Variants in WIPF3 observed in about 807,000 individuals in gnomAD.
WIPF3 encodes WAS/WASL-interacting protein family member 3.
Under a neutral mutation model 38.9 loss-of-function variants are expected in WIPF3, and 33 were observed. The ratio of observed to expected loss-of-function variants is 0.85; its 90% CI spans 0.64 to 1.14. The LOEUF is 1.14. Among genes scored for constraint, WIPF3 ranks in the 50% most tolerant of loss-of-function variants. The pLI, the probability that WIPF3 is intolerant of heterozygous loss-of-function variation, is 0.00. For missense variants in WIPF3, 711 were observed against 652.5 expected (o/e 1.09, Z -0.98); for synonymous variants, 324 against 269.3 (o/e 1.20, Z -1.99).
intron 7 of WIPF3, among the ~76,000 whole-genome samples, chr7:29,898,129 A>G (rs1404468439): frequency 6.6e-6 from 1 of 152,056 alleles, no homozygotes; most frequent in South Asian, 2.1e-4. Context: ...GTTGCCAACT[A>G]CAGTGTCAGA....
At chr7:29,807,149 C>G (rs1194458446) in intron 1 of WIPF3, among the ~76,000 whole-genome samples, 1 of 152,116 alleles carries the variant, frequency 6.6e-6, no homozygotes, top group African/African-American at 2.4e-5. Flanking sequence ...TAAAAGAGAG[C>G]TAGGAAATTG....
intron 7 of WIPF3, among the ~76,000 whole-genome samples, chr7:29,893,183 A>G (rs1256980911): frequency 6.6e-6 from 1 of 152,208 alleles, no homozygotes; most frequent in Non-Finnish European, 1.5e-5. Context: ...TGGAGGAGCC[A>G]GCATCCCAGG....
rs1369471550 is a variant in WIPF3 at position 29,823,720 on chromosome 7, C to T, written c.-57-10948C>T. 6.6e-6 allele frequency among the ~76,000 whole-genome samples: 1 copy of T among 152,162 alleles called. No homozygotes were observed. Among genetic ancestry groups the T allele is most frequent in the African/African-American group, 2.4e-5 (1 of 41,410 alleles). ...GGTGATTGGATCGTGGGCGGTTTCT[C>T]ATTATTGGTTTAGTGCCATCCCCTC... On this transcript the variant is annotated intron_variant, in intron 1 of 8. Transcript: ENST00000242140. The surrounding 1 kb of genome is among the most constrained non-coding windows in gnomAD (Gnocchi z 4.0).
chr7:29,871,922 G>A (rs1785503033), intron 2 of WIPF3, among the ~76,000 whole-genome samples: 1 of 152,182 alleles, frequency 6.6e-6, no homozygotes, highest in African/African-American at 2.4e-5. Context: ...ATTCTGGGCT[G>A]TCTTTTTTGA....
At chr7:29,836,990 CAAAACA>C (rs574332254) in intron 2 of WIPF3, among the ~76,000 whole-genome samples, 1 of 150,530 alleles carries the variant, frequency 6.6e-6, no homozygotes, top group African/African-American at 2.4e-5. Flanking sequence ...GACTCTGTCT[CAAAACA>C]AAAACAAAAA....
chr7:29,870,490 T>C (rs1425894596), intron 2 of WIPF3, among the ~76,000 whole-genome samples: 2 of 151,880 alleles, frequency 1.3e-5, no homozygotes, highest in Admixed American at 6.6e-5. Context: ...CTGTTAAGAA[T>C]AAGGAAAAGG....
intron 8 of WIPF3, 126 bp from the exon 9 acceptor site, chr7:29,914,367 A>C: frequency 1.4e-6 from 1 of 724,562 alleles, no homozygotes; most frequent in Non-Finnish European, 2.1e-6. Flanking sequence ...CATCTCCCCA[A>C]ACTTGACAGC....
At chr7:29,902,017 T>C (rs912602009) in intron 7 of WIPF3, among the ~76,000 whole-genome samples, 20 of 151,952 alleles carry the variant, frequency 1.3e-4, no homozygotes, top group African/African-American at 4.4e-4. Flanking sequence ...AGCAGGGGGC[T>C]GGGGTGTGCA....
chr7:29,907,500 C>T (rs1786420781), intron 8 of WIPF3, among the ~76,000 whole-genome samples: 1 of 152,136 alleles, frequency 6.6e-6, no homozygotes, highest in Non-Finnish European at 1.5e-5. Flanking sequence ...GTTTGTGTCC[C>T]TCAAAGTTCA....
At chr7:29,835,853 G>A (rs1215620598) in intron 2 of WIPF3, among the ~76,000 whole-genome samples, 2 of 152,156 alleles carry the variant, frequency 1.3e-5, no homozygotes, top group East Asian at 3.9e-4. Context: ...GAACCTCCCT[G>A]CCATCCTCCC....
At position 29,883,737 on chromosome 7, in the gene WIPF3, G is replaced by A. The variant is rs1408266272; in HGVS notation, c.356-113G>A. On this transcript the variant is annotated intron_variant, in intron 4 of 8. Coordinates refer to ENST00000242140, the MANE Select transcript of WIPF3 (RefSeq NM_001080529.3). ...CTCAGTGGACACGTGCAGAAAAAGC[G>A]GTCTACAGTGCAGCTCACTGCGGGC... 5 of 1,381,652 alleles carry A rather than the reference G, an allele frequency of 3.6e-6. No homozygotes were observed. The Admixed American group carries it at 1.0e-4, about 28-fold the overall frequency. The allele number at this position is 1,381,652 out of a possible 1,614,324, so 85.6% of individuals were successfully genotyped here.
At chr7:29,853,461 C>G (rs1012829044) in intron 2 of WIPF3, among the ~76,000 whole-genome samples, 1 of 152,236 alleles carries the variant, frequency 6.6e-6, no homozygotes, top group African/African-American at 2.4e-5. Context: ...CCACAGGACT[C>G]CATCCCCTGC....
chr7:29,888,004 A>G (rs1785917251), intron 5 of WIPF3, 64 bp from the exon 6 acceptor site: 4 of 1,597,050 alleles, frequency 2.5e-6, no homozygotes, highest in African/African-American at 2.7e-5. Flanking sequence ...AATATCTCAC[A>G]TAAGGTTATA....
chr7:29,886,372 T>C (rs894150217), intron 5 of WIPF3, among the ~76,000 whole-genome samples: 1 of 146,080 alleles, frequency 6.8e-6, no homozygotes, highest in Non-Finnish European at 1.5e-5. Context: ...TTTTTTTTTT[T>C]TTGAGACACA....
At chr7:29,849,993 A>G (rs1266636171) in intron 2 of WIPF3, among the ~76,000 whole-genome samples, 3 of 152,216 alleles carry the variant, frequency 2.0e-5, no homozygotes, top group Non-Finnish European at 4.4e-5. Context: ...GCTTTTTGTC[A>G]GAGGGAAGGG....
At chr7:29,911,478 T>C (rs550875971) in intron 8 of WIPF3, among the ~76,000 whole-genome samples, 1 of 152,142 alleles carries the variant, frequency 6.6e-6, no homozygotes, top group East Asian at 1.9e-4. Flanking sequence ...CACAACAATC[T>C]TGAAAAAGAA....
chr7:29,853,023 A>T (rs1039174336), intron 2 of WIPF3, among the ~76,000 whole-genome samples: 1 of 152,214 alleles, frequency 6.6e-6, no homozygotes, highest in African/African-American at 2.4e-5. Flanking sequence ...CTAAAAGTAG[A>T]TTCTGAGACA....
chr7:29,903,921 G>A (rs2128080611), intron 7 of WIPF3, among the ~76,000 whole-genome samples: 1 of 152,268 alleles, frequency 6.6e-6, no homozygotes, highest in East Asian at 1.9e-4. Flanking sequence ...GTTCCTCATG[G>A]ATGGGAGGCC....
intron 2 of WIPF3, among the ~76,000 whole-genome samples, chr7:29,860,633 AC>A (rs2128070513): frequency 6.6e-6 from 1 of 151,886 alleles, no homozygotes; most frequent in South Asian, 2.1e-4. Context: ...AGCAACACAA[AC>A]AGACTAAGAT....
Sources: allele counts gnomAD v4.1 joint callset (sites outside exome capture counted in the v4.1 genomes callset), GRCh38; gene constraint gnomAD v4.1.1; non-coding constraint Gnocchi (gnomAD v3.1); transcripts MANE v1.5; gene names NCBI Gene and HGNC (gene_info 2026-07-23, HGNC 2026-07-21).